The following ASIC2 variants were observed in gnomAD, a reference collection of about 807,000 sequenced individuals.
The protein encoded by ASIC2 is acid-sensing ion channel 2.
A neutral mutation model predicts 57.3 loss-of-function variants in ASIC2; 25 were observed. That is an observed-to-expected ratio of 0.44 (90% CI 0.32 to 0.61). The LOEUF (loss-of-function observed/expected upper bound fraction) is 0.61. Ranked by LOEUF, ASIC2 falls within the 20% of genes least tolerant of loss-of-function variation. The probability of loss-of-function intolerance (pLI) is 0.06; values close to 1 mark genes in which losing one functional copy is unlikely to be tolerated. For synonymous variants in ASIC2, 319 were observed against 307.5 expected (o/e 1.04, Z -0.39); for missense variants, 641 against 738.1 (o/e 0.87, Z 1.52).
intron 1 of ASIC2, among the ~76,000 whole-genome samples, chr17:33,182,153 C>G (rs1000772041): frequency 1.3e-5 from 2 of 152,052 alleles, no homozygotes; most frequent in Non-Finnish European, 2.9e-5. Context: ...AGGGATGATA[C>G]GGTGACAGCC....
At chr17:33,967,914 T>C (rs1182412437) in intron 1 of ASIC2, among the ~76,000 whole-genome samples, 2 of 152,150 alleles carry the variant, frequency 1.3e-5, no homozygotes, top group Non-Finnish European at 2.9e-5. Flanking sequence ...TGGAAATTGT[T>C]AAAGCTTTTT....
At chr17:33,291,215 T>C (rs1343076857) in intron 1 of ASIC2, 193 bp downstream of exon 1, 5 of 1,266,602 alleles carry the variant, frequency 3.9e-6, no homozygotes, top group Non-Finnish European at 5.2e-6. Flanking sequence ...CGACTCCTCC[T>C]ACAGTTAAGT....
At chr17:33,380,324 A>G (rs756613009) in intron 1 of ASIC2, among the ~76,000 whole-genome samples, 11 of 151,638 alleles carry the variant, frequency 7.3e-5, no homozygotes, top group Non-Finnish European at 1.6e-4. Flanking sequence ...GGTTACATTG[A>G]CTCTTATCAT....
intron 1 of ASIC2, among the ~76,000 whole-genome samples, chr17:33,692,849 T>A (rs3103650): frequency 3.3e-5 from 5 of 152,240 alleles, no homozygotes; most frequent in African/African-American, 1.2e-4. Flanking sequence ...TCCATTATAA[T>A]CTGATGGGCC....
At chr17:34,024,217 C>A (rs920429423) in intron 1 of ASIC2, among the ~76,000 whole-genome samples, 1 of 152,212 alleles carries the variant, frequency 6.6e-6, no homozygotes, top group Admixed American at 6.5e-5. Flanking sequence ...GTCTCTCTGA[C>A]TTCCTGGAAG....
intron 1 of ASIC2, chr17:34,037,855 C>T (rs1597987221): frequency 1.2e-6 from 2 of 1,613,932 alleles, no homozygotes; most frequent in East Asian, 2.2e-5. Context: ...CTTTAAGAAT[C>T]GTATTCTCTT....
chr17:33,740,106 G>T (rs1336365741), intron 1 of ASIC2, among the ~76,000 whole-genome samples: 1 of 152,190 alleles, frequency 6.6e-6, no homozygotes. Flanking sequence ...GTTATTCAAA[G>T]TCATAGCCAA....
At chr17:33,245,561 C>A (rs1182347125) in intron 1 of ASIC2, among the ~76,000 whole-genome samples, 1 of 152,136 alleles carries the variant, frequency 6.6e-6, no homozygotes, top group Admixed American at 6.5e-5. Context: ...GTTGCAAATT[C>A]TGTACAGAGC....
intron 1 of ASIC2, among the ~76,000 whole-genome samples, chr17:34,129,757 C>T (rs1911896553): frequency 6.6e-6 from 1 of 152,192 alleles, no homozygotes; most frequent in African/African-American, 2.4e-5. Flanking sequence ...ATACCTAAAA[C>T]AGGGCATACT....
chr17:33,629,809 A>C (rs543777032), intron 1 of ASIC2, among the ~76,000 whole-genome samples: 2 of 152,210 alleles, frequency 1.3e-5, no homozygotes, highest in Non-Finnish European at 2.9e-5. Context: ...GGCCTTCAGT[A>C]ATATCCCAGG....
At chr17:33,331,635 C>A (rs1170265255) in intron 1 of ASIC2, among the ~76,000 whole-genome samples, 1 of 152,162 alleles carries the variant, frequency 6.6e-6, no homozygotes, top group Non-Finnish European at 1.5e-5. Flanking sequence ...AAATATAACC[C>A]TTTGTTATGT....
At chr17:33,164,662 G>T (rs568115259) in intron 1 of ASIC2, among the ~76,000 whole-genome samples, 3 of 152,176 alleles carry the variant, frequency 2.0e-5, no homozygotes, top group African/African-American at 7.2e-5. Flanking sequence ...CTTGCTCAAG[G>T]CTTGCTTGCC....
chr17:33,513,522 T>C (rs903359497), intron 1 of ASIC2, among the ~76,000 whole-genome samples: 2 of 152,214 alleles, frequency 1.3e-5, no homozygotes, highest in African/African-American at 4.8e-5. Context: ...TTTGGGGCCA[T>C]TGGAGACAGA....
chr17:33,396,970 C>T (rs1305989521), intron 1 of ASIC2, among the ~76,000 whole-genome samples: 1 of 152,198 alleles, frequency 6.6e-6, no homozygotes, highest in Admixed American at 6.5e-5. Flanking sequence ...CTTCCCTCCC[C>T]TACCTGTTGA....
chr17:33,320,187 A>C (rs1181335365), intron 1 of ASIC2, among the ~76,000 whole-genome samples: 1 of 152,210 alleles, frequency 6.6e-6, no homozygotes, highest in Non-Finnish European at 1.5e-5. Context: ...ACATCTTCCA[A>C]ACAGACATTT....
intron 1 of ASIC2, among the ~76,000 whole-genome samples, chr17:33,117,841 A>C: frequency 6.6e-6 from 1 of 152,190 alleles, no homozygotes; most frequent in Non-Finnish European, 1.5e-5. Flanking sequence ...GAGTTATTTA[A>C]GTTATGAAGA....
intron 1 of ASIC2, among the ~76,000 whole-genome samples, chr17:33,237,061 G>A (rs771890232): frequency 7.9e-5 from 12 of 152,194 alleles, no homozygotes; most frequent in Admixed American, 3.3e-4. Context: ...TGAGTGTGTG[G>A]TGGTGTGTAC....
Position 33,901,889 on chromosome 17 carries a change from C to A in ASIC2, c.555+254089G>T, listed in dbSNP as rs559960217. Among the ~76,000 whole-genome samples the A allele has an allele frequency of 1.6e-3, 245 of 152,276 alleles. 1 individual carries two copies. Among genetic ancestry groups the A allele is most frequent in the Middle Eastern group, 3.4e-3 (1 of 294 alleles). On this transcript the variant is annotated intron_variant, in intron 1 of 9. Coordinates refer to the ASIC2 transcript ENST00000359872. Reference sequence around the variant, plus strand: ...CTATGTTTCATCAATCATTTAATGACAATGATATTGCGACTATGCTCGATC... The same window carrying A: ...CTATGTTTCATCAATCATTTAATGAAAATGATATTGCGACTATGCTCGATC...
rs570678618 is a variant in ASIC2 at position 33,621,184 on chromosome 17, A to T, written c.556-509117T>A. Among the ~76,000 whole-genome samples, 4 of 152,236 alleles carry T rather than the reference A, an allele frequency of 2.6e-5. No individual in the cohort carries two copies. In the South Asian group the frequency reaches 8.3e-4, roughly 32 times the overall value. On this transcript the variant is annotated intron_variant, in intron 1 of 9. Coordinates refer to the ASIC2 transcript ENST00000359872. ...ACAGTCTCTTGGTCTTAGCCTGTGC[A>T]TGTGTTTGTTAACTAGTTATGAGAG... is the stretch of plus-strand genomic sequence containing the variant.
Sources: gnomAD v4.1 joint callset for allele counts (sites outside exome capture counted in the v4.1 genomes callset) on GRCh38, gnomAD v4.1.1 for gene constraint, MANE v1.5 for transcripts, NCBI Gene and HGNC (gene_info 2026-07-23, HGNC 2026-07-21) for gene names.